RFC2: variants seen among roughly 807,000 people sequenced by gnomAD.
The protein encoded by RFC2 is A1 40 kDa subunit.
A neutral mutation model predicts 44.8 loss-of-function variants in RFC2; 34 were observed. The ratio of observed to expected loss-of-function variants is 0.76; its 90% CI spans 0.58 to 1.01. RFC2 has a LOEUF of 1.01. RFC2 is among the 50% of genes least tolerant of loss of function. The probability of loss-of-function intolerance (pLI) is 0.00; values close to 1 mark genes in which losing one functional copy is unlikely to be tolerated. For synonymous variants in RFC2, 177 were observed against 168.9 expected (o/e 1.05, Z -0.37); for missense variants, 400 against 453.6 (o/e 0.88, Z 1.07).
At chr7:74,252,098 C>CAAAA (rs140868309) in intron 2 of RFC2, among the ~76,000 whole-genome samples, 1 of 21,538 alleles carries the variant, frequency 4.6e-5, no homozygotes, top group Non-Finnish European at 8.1e-5. Context: ...GGCTCCATCT[C>CAAAA]AAAAAAAAAA....
intron 6 of RFC2, among the ~76,000 whole-genome samples, chr7:74,241,052 T>G (rs1460908519): frequency 6.6e-6 from 1 of 152,124 alleles, no homozygotes; most frequent in Non-Finnish European, 1.5e-5. Flanking sequence ...TGTCTCAGCC[T>G]CCTGAGTAGC....
At position 74,254,352 on chromosome 7, in the gene RFC2, C is replaced by G. The variant is rs148548878; in HGVS notation, c.32G>C (p.Gly11Ala). The G allele has an allele frequency of 2.5e-6, 4 of 1,609,554 alleles. No homozygotes were observed. Among genetic ancestry groups the G allele is most frequent in the Non-Finnish European group, 2.5e-6 (3 of 1,178,280 alleles). Residue 11 changes from glycine to alanine, a missense_variant, in exon 1 of 11, where the codon GGC becomes GCC. Physicochemically the swap from Gly to Ala is moderately conservative, Grantham distance 60. Coordinates refer to ENST00000055077, the MANE Select transcript of RFC2 (RefSeq NM_181471.3). ...GTCAGAGTCCTGGGCCTCCACCTCGCCCGCGCCACCACAGACGGCCTCCAC... is the reference window on the plus strand; with the variant it reads ...GTCAGAGTCCTGGGCCTCCACCTCGGCCGCGCCACCACAGACGGCCTCCAC... The part of the protein sequence containing the change: MEVEAVCGGA[G>A]EVEAQDSDPA...
chr7:74,243,113 C>A (rs368898283), intron 6 of RFC2, 33 bp downstream of exon 6: 1 of 1,425,142 alleles, frequency 7.0e-7, no homozygotes, highest in South Asian at 1.1e-5. Flanking sequence ...TTGAGCACCA[C>A]GTGGCCCCCA....
chr7:74,249,139 A>G (rs782354285), intron 3 of RFC2, 21 bp from the exon 4 acceptor site: 15 of 1,613,616 alleles, frequency 9.3e-6, no homozygotes, highest in South Asian at 8.8e-5. Context: ...GATCTCCAGT[A>G]AAGACTTCAA....
chr7:74,237,322 T>C lies in RFC2; in HGVS notation c.840+40A>G, dbSNP rs765140460. On this transcript the variant is annotated intron_variant, in intron 9 of 10. Transcript: ENST00000055077. The stretch of plus-strand genomic sequence containing the variant: ...CTCCCGCTCTCCTCTGCCCAAGAAG[T>C]GAGCGGTTCCTCTGCCAGGACGGGG... 21 of 1,432,734 alleles carry C rather than the reference T, an allele frequency of 1.5e-5. No individual in the cohort carries two copies. The African/African-American group carries it at 2.0e-4, about 13-fold the overall frequency. 88.8% of individuals were successfully genotyped at this position (1,432,734 alleles called of 1,614,324 possible).
Position 74,254,295 on chromosome 7 carries a change from C to A in RFC2, c.89G>T (p.Ser30Ile). 1.2e-6 allele frequency: 2 copies of A among 1,612,718 alleles called. No homozygotes were observed. The highest frequency in any genetic ancestry group is 2.2e-5 in the South Asian group (2 of 91,034). The change falls in exon 1 of 11, where the codon AGC becomes ATC. Residue 30 changes from serine to isoleucine, a missense_variant. By Grantham distance (142) the Ser-to-Ile change is moderately radical. Coordinates refer to ENST00000055077, the MANE Select transcript of RFC2 (RefSeq NM_181471.3). ...CCACGGCAGTTCGTAGTGGCCGGCG[C>A]TGCCGGGGGCCTTGCTGAAGGCAGG... ...PAPAFSKAPG[S>I]AGHYELPWVE...
chr7:74,249,238 C>T (rs1803796390), intron 3 of RFC2, 120 bp from the exon 4 acceptor site: 2 of 1,549,518 alleles, frequency 1.3e-6, no homozygotes, highest in Admixed American at 1.9e-5. Context: ...CCACCCACAG[C>T]ACACACAGAT....
intron 4 of RFC2, among the ~76,000 whole-genome samples, chr7:74,247,169 T>G (rs1355739673): frequency 6.6e-6 from 1 of 151,252 alleles, no homozygotes; most frequent in Non-Finnish European, 1.5e-5. Flanking sequence ...CTGCATTGCT[T>G]GAGATACCAT....
chr7:74,240,949 C>T (rs969725437), intron 6 of RFC2, among the ~76,000 whole-genome samples: 14 of 151,142 alleles, frequency 9.3e-5, no homozygotes, highest in African/African-American at 3.4e-4. Context: ...CTTTTTTTTA[C>T]TGAGACCAAG....
At chr7:74,251,382 G>C (rs1479418113) in intron 2 of RFC2, among the ~76,000 whole-genome samples, 2 of 151,876 alleles carry the variant, frequency 1.3e-5, no homozygotes, top group Admixed American at 1.3e-4. Flanking sequence ...GTAGAGACTG[G>C]TTTCACCACA....
intron 7 of RFC2, among the ~76,000 whole-genome samples, 163 bp from the exon 8 acceptor site, chr7:74,239,151 C>T (rs577784424): frequency 8.6e-5 from 13 of 150,950 alleles, no homozygotes; most frequent in South Asian, 8.4e-4. Flanking sequence ...CATGAGCCAC[C>T]GCACCGGGCC....
intron 4 of RFC2, 44 bp downstream of exon 4, chr7:74,248,968 A>G (rs782741919): frequency 6.5e-6 from 9 of 1,374,400 alleles, no homozygotes; most frequent in East Asian, 2.3e-5. Flanking sequence ...ACAATTCTCA[A>G]TGCAGAGCAC....
At position 74,249,134 on chromosome 7, in the gene RFC2, C is replaced by T; in HGVS notation, c.226-16G>A. The T allele has an allele frequency of 6.2e-7, 1 of 1,613,716 alleles. No homozygotes were observed. The highest frequency in any genetic ancestry group is 8.5e-7 in the Non-Finnish European group (1 of 1,179,892). ...CTGGAGGGCCCTGGGAATGAGATCTCCAGTAAAGACTTCAAACCACCAGAA... is the reference window on the plus strand; with the variant it reads ...CTGGAGGGCCCTGGGAATGAGATCTTCAGTAAAGACTTCAAACCACCAGAA... On this transcript the variant is annotated splice_polypyrimidine_tract_variant and intron_variant, in intron 3 of 10. Transcript: ENST00000055077.
At chr7:74,247,206 G>A (rs1803670447) in intron 4 of RFC2, among the ~76,000 whole-genome samples, 1 of 151,398 alleles carries the variant, frequency 6.6e-6, no homozygotes, top group Admixed American at 6.6e-5. Context: ...TGTAATAGAA[G>A]TGCAGATATA....
intron 10 of RFC2, among the ~76,000 whole-genome samples, chr7:74,233,545 A>G (rs1056883682): frequency 5.3e-5 from 8 of 151,764 alleles, no homozygotes; most frequent in Admixed American, 5.3e-4. Flanking sequence ...TAAAGGCACA[A>G]TGAGATCTCA....
intron 5 of RFC2, among the ~76,000 whole-genome samples, chr7:74,244,013 G>A (rs1166333569): frequency 2.0e-5 from 3 of 150,726 alleles, no homozygotes; most frequent in African/African-American, 7.3e-5. Flanking sequence ...CACATTGGGA[G>A]GCCGAGGCAG....
chr7:74,238,634 G>A lies in RFC2; in HGVS notation c.759+289C>T, dbSNP rs1175502676. Among the ~76,000 whole-genome samples, 3 of 152,084 alleles carry A rather than the reference G, an allele frequency of 2.0e-5. No homozygotes were observed. The highest frequency in any genetic ancestry group is 7.2e-5 in the African/African-American group (3 of 41,418). On this transcript the variant is annotated intron_variant, in intron 8 of 10. Transcript: ENST00000055077. This position sits in a 1 kb window ranked among gnomAD's most constrained non-coding sequence, Gnocchi z 4.0. ...GTGAGAACCTCTGTGCAGGGAAGTC[G>A]CTGGGATCAAATAAGACACGTCAGA...
chr7:74,243,103 T>C, intron 6 of RFC2, 43 bp downstream of exon 6: 2 of 1,323,562 alleles, frequency 1.5e-6, no homozygotes, highest in Non-Finnish European at 2.2e-6. Flanking sequence ...AAAAGCCCAG[T>C]TGAGCACCAC....
intron 1 of RFC2, among the ~76,000 whole-genome samples, chr7:74,253,943 T>C (rs3135655): frequency 0.22 from 33,263 of 151,560 alleles, 3,751 homozygotes; most frequent in Non-Finnish European, 0.24. Flanking sequence ...TTTTAAAAGA[T>C]TGAAGTTTTT....
Sources: gnomAD v4.1 joint callset for allele counts (sites outside exome capture counted in the v4.1 genomes callset) on GRCh38, gnomAD v4.1.1 for gene constraint, Gnocchi (gnomAD v3.1) non-coding constraint, MANE v1.5 for transcripts, NCBI Gene and HGNC (gene_info 2026-07-23, HGNC 2026-07-21) for gene names.